ANO4: variants seen among roughly 807,000 people sequenced by gnomAD.
The protein encoded by ANO4 is anoctamin-4.
Under a neutral mutation model 141.9 loss-of-function variants are expected in ANO4, and 69 were observed. That is an observed-to-expected ratio of 0.49 (90% CI 0.40 to 0.59). ANO4 has a LOEUF of 0.59. ANO4 is among the 20% of genes least tolerant of loss of function. The pLI is 0.00. For synonymous variants in ANO4, 350 were observed against 394.3 expected, an observed-to-expected ratio of 0.89 and a Z score of 1.33; for missense variants, 894 against 1,162.2, an observed-to-expected ratio of 0.77 and a Z score of 3.36.
At chr12:101,042,187 T>G in intron 11 of ANO4, 147 bp from the exon 12 acceptor site, 2 of 946,686 alleles carry the variant, frequency 2.1e-6, no homozygotes, top group South Asian at 1.7e-5. Context: ...AGATCCTAGA[T>G]TTGATGGGAT....
At chr12:100,779,829 G>A (rs2033658244) in intron 3 of ANO4, among the ~76,000 whole-genome samples, 1 of 152,090 alleles carries the variant, frequency 6.6e-6, no homozygotes, top group African/African-American at 2.4e-5. Context: ...TGCCATGTAG[G>A]CTGTAGATAT....
At chr12:100,975,575 G>A (rs2044139292) in intron 7 of ANO4, among the ~76,000 whole-genome samples, 1 of 151,008 alleles carries the variant, frequency 6.6e-6, no homozygotes, top group Non-Finnish European at 1.5e-5. Flanking sequence ...TGAGTAGCTG[G>A]GATCACAGGC....
intron 5 of ANO4, among the ~76,000 whole-genome samples, chr12:100,967,805 T>A (rs1007796472): frequency 5.3e-5 from 8 of 152,256 alleles, no homozygotes; most frequent in African/African-American, 1.9e-4. Context: ...TGAATTTGTA[T>A]AAACTGATAA....
At chr12:101,030,138 C>T (rs1157456197) in intron 9 of ANO4, among the ~76,000 whole-genome samples, 2 of 152,116 alleles carry the variant, frequency 1.3e-5, no homozygotes, top group Non-Finnish European at 2.9e-5. Context: ...ACCTAATAGA[C>T]ATCTACAGAA....
intron 2 of ANO4, among the ~76,000 whole-genome samples, chr12:100,915,650 C>T (rs1393695981): frequency 6.6e-6 from 1 of 152,104 alleles, no homozygotes; most frequent in East Asian, 1.9e-4. Context: ...TGGAGTAGGC[C>T]CTCATTTTGC....
At chr12:100,847,950 T>C (rs1018383413) in intron 1 of ANO4, among the ~76,000 whole-genome samples, 3 of 152,130 alleles carry the variant, frequency 2.0e-5, no homozygotes, top group African/African-American at 4.8e-5. Context: ...TTTAGGCCAG[T>C]TGAGATTGTA....
intron 1 of ANO4, among the ~76,000 whole-genome samples, chr12:100,847,664 G>A (rs149350378): frequency 0.033 from 4,974 of 152,082 alleles, 109 homozygotes; most frequent in Non-Finnish European, 0.052. Flanking sequence ...GTAGAGACGG[G>A]GTTTCACCGT....
At chr12:100,990,298 T>C (rs575006391) in intron 8 of ANO4, among the ~76,000 whole-genome samples, 1 of 152,316 alleles carries the variant, frequency 6.6e-6, no homozygotes, top group East Asian at 1.9e-4. Context: ...TCCCACCTCC[T>C]CTTTTCATGC....
intron 3 of ANO4, among the ~76,000 whole-genome samples, chr12:100,772,610 A>G (rs2033346600): frequency 6.6e-6 from 1 of 152,204 alleles, no homozygotes; most frequent in African/African-American, 2.4e-5. Flanking sequence ...AATTGATTGC[A>G]AAATTTTCCC....
chr12:100,862,272 T>G (rs2038520861), intron 1 of ANO4, among the ~76,000 whole-genome samples: 1 of 152,040 alleles, frequency 6.6e-6, no homozygotes, highest in Non-Finnish European at 1.5e-5. Context: ...AAAATAACAA[T>G]AAAAAGTGTA....
chr12:100,925,816 C>G (rs1008189782), intron 3 of ANO4, among the ~76,000 whole-genome samples: 2 of 145,556 alleles, frequency 1.4e-5, no homozygotes, highest in East Asian at 4.0e-4. Context: ...CATACATATA[C>G]ATACATACAT....
At chr12:100,856,374 A>G (rs1311329455) in intron 1 of ANO4, among the ~76,000 whole-genome samples, 1 of 152,190 alleles carries the variant, frequency 6.6e-6, no homozygotes, top group African/African-American at 2.4e-5. Context: ...CTAGGAGTGT[A>G]TCTGAAGGCA....
chr12:100,811,711 G>A (rs2035446741), intron 1 of ANO4, among the ~76,000 whole-genome samples: 1 of 151,728 alleles, frequency 6.6e-6, no homozygotes, highest in African/African-American at 2.4e-5. Context: ...TTATTCTTTA[G>A]TTAACTGTAC....
intron 4 of ANO4, among the ~76,000 whole-genome samples, chr12:100,939,786 G>T (rs183352374): frequency 6.6e-6 from 1 of 152,084 alleles, no homozygotes; most frequent in East Asian, 1.9e-4. Context: ...TCCCCCAGTG[G>T]GTAGAATAGT....
At chr12:100,735,030 G>C (rs531940875) in intron 2 of ANO4, among the ~76,000 whole-genome samples, 11 of 152,326 alleles carry the variant, frequency 7.2e-5, no homozygotes, top group African/African-American at 2.6e-4. Flanking sequence ...GGTTCTTTGA[G>C]TGCAGTACAG....
At chr12:100,756,676 T>TG (rs1485222619) in intron 3 of ANO4, among the ~76,000 whole-genome samples, 1 of 152,144 alleles carries the variant, frequency 6.6e-6, no homozygotes, top group Non-Finnish European at 1.5e-5. Context: ...TTGTTTTCTC[T>TG]GACTCTTTGG....
chr12:101,096,668 C>A (rs566169692), intron 19 of ANO4, 21 bp downstream of exon 19: 16 of 1,568,884 alleles, frequency 1.0e-5, no homozygotes, highest in Non-Finnish European at 1.4e-5. Flanking sequence ...GACCCCTGCA[C>A]ACCTCCCCAA....
Position 101,096,530 on chromosome 12 carries a change from C to G in ANO4, c.1739-6C>G. ...CTTTCAAACTCTGCTCACCTTTTGTCCACAGAACAGCCTCGCACAGAGTCT... is the reference window on the plus strand; with the variant it reads ...CTTTCAAACTCTGCTCACCTTTTGTGCACAGAACAGCCTCGCACAGAGTCT... On this transcript the variant is annotated splice_polypyrimidine_tract_variant and splice_region_variant and intron_variant, in intron 18 of 27. Transcript: ENST00000392977. 6.2e-7 allele frequency: 1 copy of G among 1,610,188 alleles called. No homozygotes were observed. Among genetic ancestry groups the G allele is most frequent in the Non-Finnish European group, 8.5e-7 (1 of 1,176,700 alleles).
At chr12:101,026,815 TG>T (rs2046755087) in intron 9 of ANO4, among the ~76,000 whole-genome samples, 2 of 152,166 alleles carry the variant, frequency 1.3e-5, no homozygotes, top group African/African-American at 4.8e-5. Flanking sequence ...TTTGTTACCT[TG>T]GGTTAACCAA....
Sources: gnomAD v4.1 joint callset for allele counts (sites outside exome capture counted in the v4.1 genomes callset) on GRCh38, gnomAD v4.1.1 for gene constraint, MANE v1.5 for transcripts, NCBI Gene and HGNC (gene_info 2026-07-23, HGNC 2026-07-21) for gene names.